Variants in SSBP2 observed in about 807,000 individuals in gnomAD.
The protein encoded by SSBP2 is single stranded DNA binding protein 2.
Under a neutral mutation model 61.8 loss-of-function variants are expected in SSBP2, and 17 were observed. The ratio of observed to expected loss-of-function variants is 0.28; its 90% CI spans 0.19 to 0.41. The LOEUF is 0.41. Among genes scored for constraint, SSBP2 ranks in the 10% least tolerant of loss-of-function variants. The pLI is 1.00. For synonymous variants in SSBP2, 139 were observed against 141.3 expected (o/e 0.98, Z 0.12); for missense variants, 310 against 458.7 (o/e 0.68, Z 2.96).
intron 16 of SSBP2, 61 bp downstream of exon 16, chr5:81,428,524 A>C: frequency 7.4e-7 from 1 of 1,348,056 alleles, no homozygotes; most frequent in Non-Finnish European, 1.1e-6. Context: ...TTATGCATTT[A>C]TTCTAGCAGA....
At chr5:81,606,135 T>C (rs919600695) in intron 4 of SSBP2, among the ~76,000 whole-genome samples, 2 of 152,140 alleles carry the variant, frequency 1.3e-5, no homozygotes, top group African/African-American at 4.8e-5. Flanking sequence ...AGGAAACTAG[T>C]ATTAAAAAGC....
chr5:81,715,866 G>A (rs1755133434), intron 1 of SSBP2, among the ~76,000 whole-genome samples: 1 of 152,052 alleles, frequency 6.6e-6, no homozygotes, highest in Non-Finnish European at 1.5e-5. Context: ...AGACCAGCCT[G>A]AGCAGTATAC....
chr5:81,730,608 T>C (rs992223951), intron 1 of SSBP2, among the ~76,000 whole-genome samples: 1 of 152,220 alleles, frequency 6.6e-6, no homozygotes, highest in African/African-American at 2.4e-5. Context: ...GGCAGGAGAT[T>C]CTCAAATACA....
At chr5:81,551,894 T>C (rs1273251815) in intron 4 of SSBP2, among the ~76,000 whole-genome samples, 1 of 152,206 alleles carries the variant, frequency 6.6e-6, no homozygotes, top group Non-Finnish European at 1.5e-5. Context: ...TCTAAAGTAA[T>C]TACACATTTT....
chr5:81,687,662 G>A (rs189676570), intron 1 of SSBP2, among the ~76,000 whole-genome samples: 42 of 152,242 alleles, frequency 2.8e-4, no homozygotes, highest in Admixed American at 6.5e-4. Context: ...AAACCAGCTC[G>A]GTCACAGTAG....
chr5:81,681,503 G>T (rs1752376977), intron 1 of SSBP2, among the ~76,000 whole-genome samples: 1 of 137,572 alleles, frequency 7.3e-6, no homozygotes, highest in Admixed American at 7.5e-5. Context: ...CTAGGCAACA[G>T]AGCCAGGCTC....
intron 1 of SSBP2, among the ~76,000 whole-genome samples, chr5:81,676,155 T>C (rs1343502826): frequency 6.6e-6 from 1 of 152,192 alleles, no homozygotes; most frequent in African/African-American, 2.4e-5. Flanking sequence ...ACCAAAAACC[T>C]GACAGTTACG....
In SSBP2 at chr5:81,417,983, T is replaced by C. The variant is rs1483082693; in HGVS notation, c.*2521A>G. 6.6e-6 allele frequency: 1 copy of C among 152,196 alleles called. No homozygotes were observed. Among genetic ancestry groups the C allele is most frequent in the African/African-American group, 2.4e-5 (1 of 41,462 alleles). 9.4% of individuals were successfully genotyped at this position (152,196 alleles called of 1,614,324 possible). On this transcript the variant is annotated 3_prime_UTR_variant, in exon 17 of 17. Coordinates refer to ENST00000320672, the MANE Select transcript of SSBP2 (RefSeq NM_012446.5). The stretch of plus-strand genomic sequence containing the variant: ...GTATTACCCCCAAAATAAGGGTAGA[T>C]AAAATCATATTCATCATTCTTTGTG...
intron 13 of SSBP2, among the ~76,000 whole-genome samples, chr5:81,441,437 A>G (rs1298967412): frequency 1.3e-5 from 2 of 152,210 alleles, no homozygotes; most frequent in African/African-American, 4.8e-5. Flanking sequence ...GATACCTTAC[A>G]CTTACAGTTA....
At chr5:81,750,519 CGCCCCGACCCCG>C (rs1395904202) in intron 1 of SSBP2, among the ~76,000 whole-genome samples, 21 of 147,170 alleles carry the variant, frequency 1.4e-4, no homozygotes, top group East Asian at 9.9e-4. Flanking sequence ...CCGCGCTGCC[CGCCCCGACCCCG>C]GCCCCGACCC....
At chr5:81,490,923 T>C (rs895307050) in intron 5 of SSBP2, among the ~76,000 whole-genome samples, 3 of 152,242 alleles carry the variant, frequency 2.0e-5, no homozygotes, top group African/African-American at 7.2e-5. Flanking sequence ...TTTAACAAAG[T>C]TGATTTTAAA....
At chr5:81,716,932 A>G (rs396231) in intron 1 of SSBP2, among the ~76,000 whole-genome samples, 43,343 of 152,188 alleles carry the variant, frequency 0.28, 7,863 homozygotes, top group Middle Eastern at 0.43. Context: ...ATTTTTATAC[A>G]ATTAAGGAAA....
intron 4 of SSBP2, among the ~76,000 whole-genome samples, chr5:81,584,717 TTAAG>T (rs1345189440): frequency 2.0e-5 from 3 of 152,196 alleles, no homozygotes; most frequent in Admixed American, 1.3e-4. Context: ...CCTATGAATA[TTAAG>T]TAAGGTAGCA....
At chr5:81,713,731 G>A (rs1754965155) in intron 1 of SSBP2, among the ~76,000 whole-genome samples, 1 of 151,996 alleles carries the variant, frequency 6.6e-6, no homozygotes, top group African/African-American at 2.4e-5. Context: ...ACACATTTAA[G>A]GAGAGCCTGA....
intron 5 of SSBP2, among the ~76,000 whole-genome samples, chr5:81,502,190 A>G (rs779379888): frequency 4.4e-4 from 67 of 152,254 alleles, no homozygotes; most frequent in Non-Finnish European, 8.1e-4. Flanking sequence ...CAAGGCCACT[A>G]ATGACTTCCT....
chr5:81,536,229 T>C (rs1256490081), intron 4 of SSBP2, among the ~76,000 whole-genome samples: 2 of 152,104 alleles, frequency 1.3e-5, no homozygotes, highest in Non-Finnish European at 2.9e-5. Flanking sequence ...AATTACAACA[T>C]AAATGCTGGT....
At chr5:81,587,621 T>G (rs1203250609) in intron 4 of SSBP2, among the ~76,000 whole-genome samples, 3 of 152,058 alleles carry the variant, frequency 2.0e-5, no homozygotes, top group African/African-American at 7.2e-5. Flanking sequence ...TCCCAGCTAC[T>G]CGGGAGGCTG....
intron 3 of SSBP2, among the ~76,000 whole-genome samples, chr5:81,623,201 T>C (rs923628477): frequency 1.2e-4 from 19 of 152,206 alleles, no homozygotes; most frequent in African/African-American, 4.6e-4. Flanking sequence ...GAATATTACA[T>C]GCAGCATTAT....
intron 6 of SSBP2, among the ~76,000 whole-genome samples, chr5:81,475,550 C>A (rs1380329079): frequency 6.6e-6 from 1 of 152,116 alleles, no homozygotes; most frequent in Non-Finnish European, 1.5e-5. Flanking sequence ...ACCTCTCCAG[C>A]CTAATTTCTT....
Sources: allele counts gnomAD v4.1 joint callset (sites outside exome capture counted in the v4.1 genomes callset), GRCh38; gene constraint gnomAD v4.1.1; transcripts MANE v1.5; gene names NCBI Gene and HGNC (gene_info 2026-07-23, HGNC 2026-07-21).